The following CDH18 variants were observed in gnomAD, a reference collection of about 807,000 sequenced individuals.
CDH18 encodes cadherin-18.
CDH18 carries 31 observed loss-of-function variants against 67.9 expected under a neutral mutation model. The observed-to-expected ratio is 0.46, with a 90% CI of 0.34 to 0.62. The LOEUF (loss-of-function observed/expected upper bound fraction) is 0.62, where lower values mean the gene tolerates loss of function less well. Ranked by LOEUF, CDH18 falls within the 20% of genes least tolerant of loss-of-function variation. The probability of loss-of-function intolerance (pLI) is 0.01; values close to 1 mark genes in which losing one functional copy is unlikely to be tolerated. For synonymous variants in CDH18, 362 were observed against 347.2 expected (o/e 1.04, Z -0.48); for missense variants, 890 against 975.5 (o/e 0.91, Z 1.17).
At chr5:19,481,787 C>A (rs1350159554) in intron 12 of CDH18, among the ~76,000 whole-genome samples, 1 of 152,158 alleles carries the variant, frequency 6.6e-6, no homozygotes, top group Non-Finnish European at 1.5e-5. Flanking sequence ...AAGAATACCT[C>A]TTTCTCAGAA....
At chr5:20,490,518 A>G (rs1305548277) in intron 1 of CDH18, among the ~76,000 whole-genome samples, 1 of 152,156 alleles carries the variant, frequency 6.6e-6, no homozygotes, top group African/African-American at 2.4e-5. Context: ...AATTATGAAG[A>G]TAAAGAGGAA....
intron 3 of CDH18, among the ~76,000 whole-genome samples, chr5:19,777,002 C>T (rs969441240): frequency 6.6e-6 from 1 of 152,056 alleles, no homozygotes; most frequent in Non-Finnish European, 1.5e-5. Flanking sequence ...AAAGAAAATG[C>T]AAATATATGG....
chr5:20,344,651 G>A (rs1295111496), intron 1 of CDH18, among the ~76,000 whole-genome samples: 2 of 152,040 alleles, frequency 1.3e-5, no homozygotes, highest in East Asian at 3.9e-4. Context: ...AAAGATAAAT[G>A]ATATTATCAA....
At chr5:20,224,255 C>T (rs186076368) in intron 2 of CDH18, among the ~76,000 whole-genome samples, 158 of 152,128 alleles carry the variant, frequency 1.0e-3, no homozygotes, top group African/African-American at 3.6e-3. Context: ...CATCAAACAA[C>T]CACAGGTATT....
chr5:19,912,669 A>ATAAT (rs1358596097), intron 2 of CDH18, among the ~76,000 whole-genome samples: 1 of 152,218 alleles, frequency 6.6e-6, no homozygotes, highest in Non-Finnish European at 1.5e-5. Context: ...TATGGGAAAG[A>ATAAT]TAATGTGTGC....
At chr5:19,662,344 A>C (rs1409741188) in intron 5 of CDH18, among the ~76,000 whole-genome samples, 1 of 151,988 alleles carries the variant, frequency 6.6e-6, no homozygotes, top group Non-Finnish European at 1.5e-5. Context: ...GAAATGCACG[A>C]AATATTTTGA....
chr5:20,521,380 T>C (rs913530049), intron 1 of CDH18, among the ~76,000 whole-genome samples: 1 of 152,128 alleles, frequency 6.6e-6, no homozygotes, highest in East Asian at 1.9e-4. Flanking sequence ...AGAAGAAGAA[T>C]GATCCAATGA....
intron 11 of CDH18, among the ~76,000 whole-genome samples, chr5:19,489,685 TA>T (rs968859946): frequency 8.5e-5 from 13 of 152,124 alleles, no homozygotes; most frequent in African/African-American, 2.4e-4. Context: ...CCAAGATTTT[TA>T]AAAAAAAGTA....
chr5:20,031,856 G>A (rs992787347), intron 2 of CDH18, among the ~76,000 whole-genome samples: 1 of 152,032 alleles, frequency 6.6e-6, no homozygotes, highest in Non-Finnish European at 1.5e-5. Flanking sequence ...ACAAATGGGA[G>A]ATGAAGAAAA....
intron 2 of CDH18, among the ~76,000 whole-genome samples, chr5:20,210,751 A>G (rs868639992): frequency 6.6e-6 from 1 of 152,020 alleles, no homozygotes; most frequent in East Asian, 1.9e-4. Flanking sequence ...GCCTTTGGAC[A>G]TAGTTTATTT....
At chr5:19,766,992 G>A (rs1443214616) in intron 3 of CDH18, among the ~76,000 whole-genome samples, 1 of 151,604 alleles carries the variant, frequency 6.6e-6, no homozygotes, top group African/African-American at 2.4e-5. Flanking sequence ...CAGTAACCAT[G>A]CACATCTGAT....
chr5:20,496,241 T>C (rs1430280614), intron 1 of CDH18, among the ~76,000 whole-genome samples: 3 of 152,054 alleles, frequency 2.0e-5, no homozygotes, highest in Non-Finnish European at 4.4e-5. Flanking sequence ...ATAAACAAGT[T>C]ACTAGGAAAG....
At chr5:20,328,420 C>G (rs376189860) in intron 1 of CDH18, among the ~76,000 whole-genome samples, 4 of 151,046 alleles carry the variant, frequency 2.6e-5, no homozygotes, top group African/African-American at 9.7e-5. Flanking sequence ...TCTGGAGTAT[C>G]TGACAAGATG....
At chr5:19,853,776 A>G (rs1783970464) in intron 2 of CDH18, among the ~76,000 whole-genome samples, 1 of 152,090 alleles carries the variant, frequency 6.6e-6, no homozygotes, top group Admixed American at 6.6e-5. Context: ...TGCACCCACA[A>G]TAACACAAAC....
chr5:20,330,695 A>C, intron 1 of CDH18, among the ~76,000 whole-genome samples: 1 of 152,170 alleles, frequency 6.6e-6, no homozygotes, highest in Admixed American at 6.5e-5. Flanking sequence ...GCCACTGTGC[A>C]TGCGGACAGC....
At chr5:19,881,906 G>A (rs1383000512) in intron 2 of CDH18, among the ~76,000 whole-genome samples, 2 of 151,968 alleles carry the variant, frequency 1.3e-5, no homozygotes, top group African/African-American at 4.8e-5. Context: ...TTATAACCAT[G>A]TTGAACTATC....
In CDH18 at chr5:20,134,399, G is replaced by A. The variant is rs113030984; in HGVS notation, c.-518+121045C>T. 2.5e-3 allele frequency among the ~76,000 whole-genome samples: 383 copies of A among 152,208 alleles called. 1 individual carries two copies. Among genetic ancestry groups the A allele is most frequent in the African/African-American group, 8.7e-3 (361 of 41,554 alleles). On this transcript the variant is annotated intron_variant, in intron 2 of 14. Coordinates refer to the CDH18 transcript ENST00000507958. ...AACAACCCTGATTATTTTCTAAGCT[G>A]TGTCTAGTCTACTTATTAAGCAGTT...
At chr5:19,545,318 G>A (rs1296899341) in intron 8 of CDH18, among the ~76,000 whole-genome samples, 1 of 152,158 alleles carries the variant, frequency 6.6e-6, no homozygotes, top group Non-Finnish European at 1.5e-5. Flanking sequence ...ACAAATCTAT[G>A]TCAATGTGGC....
intron 2 of CDH18, among the ~76,000 whole-genome samples, chr5:20,040,970 C>A (rs1740370314): frequency 6.6e-6 from 1 of 152,088 alleles, no homozygotes; most frequent in Admixed American, 6.6e-5. Flanking sequence ...GCACTATGAG[C>A]TAGTTTTATA....
Sources: allele counts gnomAD v4.1 joint callset (sites outside exome capture counted in the v4.1 genomes callset), GRCh38; gene constraint gnomAD v4.1.1; transcripts MANE v1.5; gene names NCBI Gene and HGNC (gene_info 2026-07-23, HGNC 2026-07-21).